COPS2: variants seen among roughly 807,000 people sequenced by gnomAD.
The protein encoded by COPS2 is COP9 signalosome subunit 2, also known as COP9 signalosome complex subunit 2.
COPS2 carries 10 observed loss-of-function variants against 66.1 expected under a neutral mutation model. The observed-to-expected ratio is 0.15, with a 90% CI of 0.09 to 0.26. The LOEUF (loss-of-function observed/expected upper bound fraction) is 0.26, where lower values mean the gene tolerates loss of function less well. COPS2 is among the 10% of genes least tolerant of loss of function. The pLI, the probability that COPS2 is intolerant of heterozygous loss-of-function variation, is 1.00. For missense variants in COPS2, 215 were observed against 513.3 expected, an observed-to-expected ratio of 0.42 and a Z score of 5.62; for synonymous variants, 179 against 171.3, an observed-to-expected ratio of 1.04 and a Z score of -0.35.
chr15:49,134,302 C>G, intron 7 of COPS2, 38 bp downstream of exon 7: 1 of 1,595,596 alleles, frequency 6.3e-7, no homozygotes, highest in Non-Finnish European at 8.5e-7. Context: ...TTTGATATCT[C>G]CCCATGCCAC....
At chr15:49,145,723 G>A (rs2084316584) in intron 1 of COPS2, among the ~76,000 whole-genome samples, 1 of 151,966 alleles carries the variant, frequency 6.6e-6, no homozygotes, top group African/African-American at 2.4e-5. Context: ...TCTATTACAT[G>A]AGTTCAATTC....
chr15:49,146,580 T>G (rs2084322477), intron 1 of COPS2, among the ~76,000 whole-genome samples: 1 of 152,092 alleles, frequency 6.6e-6, no homozygotes, highest in African/African-American at 2.4e-5. Flanking sequence ...GCATAAACAA[T>G]GAAAGGTAAC....
Position 49,133,234 on chromosome 15 carries a change from C to T in COPS2, c.947+525G>A, listed in dbSNP as rs557019597. 3.3e-5 allele frequency among the ~76,000 whole-genome samples: 5 copies of T among 152,212 alleles called. No individual in the cohort carries two copies. In the South Asian group the frequency reaches 6.2e-4, roughly 19 times the overall value. ...TGATCTCCTGATCTTGTGATCCACC[C>T]GCCTTGGCCTCCCAAAGTGCTGGGA... is the stretch of plus-strand genomic sequence containing the variant. On this transcript the variant is annotated intron_variant, in intron 9 of 12. Transcript: ENST00000388901.
At chr15:49,147,646 TA>T (rs918808473) in intron 1 of COPS2, among the ~76,000 whole-genome samples, 1 of 144,442 alleles carries the variant, frequency 6.9e-6, no homozygotes, top group African/African-American at 2.6e-5. Flanking sequence ...GGAATACTTA[TA>T]ATAAGAGTAG....
chr15:49,134,202 T>C (rs2084234931), intron 7 of COPS2, 94 bp from the exon 8 acceptor site: 1 of 1,395,262 alleles, frequency 7.2e-7, no homozygotes, highest in African/African-American at 1.4e-5. Flanking sequence ...ACTATTTCAG[T>C]GCCTTTCAGT....
At chr15:49,152,320 C>A (rs2084368638) in intron 1 of COPS2, among the ~76,000 whole-genome samples, 1 of 150,602 alleles carries the variant, frequency 6.6e-6, no homozygotes, top group South Asian at 2.1e-4. Context: ...AAACAAATTA[C>A]TAAATAAGTT....
At position 49,155,501 on chromosome 15, in the gene COPS2, A is replaced by T. The variant is rs773694962; in HGVS notation, c.54+24T>A. Reference sequence around the variant, plus strand: ...GAAAACAAGACACATCACCACCCTCAGAGTTCCATTCCCTGCGCCTCACCA... The same window carrying T: ...GAAAACAAGACACATCACCACCCTCTGAGTTCCATTCCCTGCGCCTCACCA... On this transcript the variant is annotated intron_variant, in intron 1 of 12. Transcript: ENST00000388901. The T allele has an allele frequency of 3.7e-6, 6 of 1,612,672 alleles. No homozygotes were observed. In the South Asian group the frequency reaches 6.6e-5, roughly 18 times the overall value.
chr15:49,144,993 G>T lies in COPS2; in HGVS notation c.140C>A (p.Pro47Gln). 1 of 1,593,550 alleles carries T rather than the reference G, an allele frequency of 6.3e-7. No homozygotes were observed. ...YNSKALKEDD[P>Q]KAALSSFQKV... is the part of the protein sequence containing the mutation. The stretch of plus-strand genomic sequence containing the variant: ...TTGGAAACTGCTTAATGCCGCTTTT[G>T]GGTCATCTTCTTTTAATGCTTTGGA... Residue 47 changes from proline to glutamine, a missense_variant, in exon 2 of 13, where the codon CCA (proline) becomes CAA (glutamine). Around this residue, in one of 5 missense-constraint regions of COPS2, gnomAD observed 90 missense variants for 225.1 expected, o/e 0.40. Coordinates refer to ENST00000388901, the MANE Select transcript of COPS2 (RefSeq NM_004236.4).
chr15:49,137,895 T>C (rs2084265054), intron 4 of COPS2: 1 of 158,318 alleles, frequency 6.3e-6, no homozygotes, highest in African/African-American at 2.4e-5. Flanking sequence ...GTAAATGAAA[T>C]GTACATAGAA....
chr15:49,153,689 T>A lies in COPS2; in HGVS notation c.54+1836A>T, dbSNP rs981123397. 2.0e-5 allele frequency among the ~76,000 whole-genome samples: 3 copies of A among 152,218 alleles called. No homozygotes were observed. The East Asian group carries it at 5.8e-4, about 29-fold the overall frequency. On this transcript the variant is annotated intron_variant, in intron 1 of 12. Coordinates refer to ENST00000388901, the MANE Select transcript of COPS2 (RefSeq NM_004236.4). ...ATGAAGAAAATGTGGTATATATACATAATGGAATATTATTTGACTATAAAA... is the reference window on the plus strand; with the variant it reads ...ATGAAGAAAATGTGGTATATATACAAAATGGAATATTATTTGACTATAAAA...
intron 4 of COPS2, among the ~76,000 whole-genome samples, chr15:49,138,575 T>C (rs2084269409): frequency 6.6e-6 from 1 of 152,212 alleles, no homozygotes; most frequent in African/African-American, 2.4e-5. Flanking sequence ...TTTCCCACTT[T>C]AGGAAAGCTC....
intron 1 of COPS2, among the ~76,000 whole-genome samples, chr15:49,148,769 A>G (rs1273751130): frequency 6.6e-6 from 1 of 152,232 alleles, no homozygotes; most frequent in Non-Finnish European, 1.5e-5. Flanking sequence ...GGGACACAAT[A>G]AATGATGGAA....
At chr15:49,155,202 C>T (rs76986335) in intron 1 of COPS2, among the ~76,000 whole-genome samples, 3,753 of 152,352 alleles carry the variant, frequency 0.025, 119 homozygotes, top group South Asian at 0.077. Flanking sequence ...GTCACCGAGG[C>T]GGCTAGCGCG....
rs376675090 is a variant in COPS2, at chr15:49,137,205, C to A, written c.485G>T (p.Arg162Leu). ...TTTTTGAAGCTTTCCATATTCCTCT[C>A]GTTCTAAATATAATTTTCCAAGCTG... ...NTKLGKLYLEREEYGKLQKIL... is the reference protein window; with the variant it reads ...NTKLGKLYLELEEYGKLQKIL... Residue 162 changes from arginine (R) to leucine (L), a missense_variant, in exon 6 of 13, where the codon CGA (arginine) becomes CTA (leucine). By Grantham distance (102) the Arg-to-Leu change is moderately radical. Around this residue, in one of 5 missense-constraint regions of COPS2, gnomAD observed 90 missense variants for 225.1 expected, o/e 0.40. Coordinates refer to ENST00000388901, the MANE Select transcript of COPS2 (RefSeq NM_004236.4). The A allele has an allele frequency of 3.1e-6, 5 of 1,604,662 alleles. No homozygotes were observed. The highest frequency in any genetic ancestry group is 4.2e-6 in the Non-Finnish European group (5 of 1,177,060).
chr15:49,143,239 C>A (rs1413096851), intron 3 of COPS2, among the ~76,000 whole-genome samples: 1 of 152,084 alleles, frequency 6.6e-6, no homozygotes, highest in Non-Finnish European at 1.5e-5. Flanking sequence ...AAAACAGCAG[C>A]AAAGGATGAG....
Position 49,130,907 on chromosome 15 carries a change from T to A in COPS2, c.948-91A>T, listed in dbSNP as rs1273259029. 1.5e-5 allele frequency: 8 copies of A among 541,986 alleles called. 1 individual carries two copies. Among genetic ancestry groups the A allele is most frequent in the East Asian group, 3.1e-5 (1 of 32,712 alleles). 33.6% of individuals were successfully genotyped at this position (541,986 alleles called of 1,614,324 possible). ...CAAAGACCCTGCTTCTCAACTTTCA[T>A]ATGCAAAAATCTAAATAATATTATA... On this transcript the variant is annotated intron_variant, in intron 9 of 12. Transcript: ENST00000388901.
intron 11 of COPS2, among the ~76,000 whole-genome samples, chr15:49,129,111 C>T (rs1450907056): frequency 1.3e-5 from 2 of 152,054 alleles, no homozygotes; most frequent in Non-Finnish European, 2.9e-5. Flanking sequence ...AATGTTAAGG[C>T]TCTTTTCTGT....
chr15:49,138,092 T>C (rs939435977), intron 4 of COPS2, among the ~76,000 whole-genome samples: 8 of 152,156 alleles, frequency 5.3e-5, no homozygotes, highest in African/African-American at 1.9e-4. Flanking sequence ...ACCATGGAGG[T>C]GGGTGGAGAG....
intron 6 of COPS2, among the ~76,000 whole-genome samples, chr15:49,136,889 T>C (rs982373846): frequency 6.6e-6 from 1 of 151,896 alleles, no homozygotes; most frequent in African/African-American, 2.4e-5. Context: ...CTTAGGAGGC[T>C]GAGGTGGGAA....
Sources: allele counts gnomAD v4.1 joint callset (sites outside exome capture counted in the v4.1 genomes callset), GRCh38; gene constraint gnomAD v4.1.1; regional missense constraint gnomAD v4.1.1; transcripts MANE v1.5; gene names NCBI Gene and HGNC (gene_info 2026-07-23, HGNC 2026-07-21).